The following ZNF566 variants were observed in gnomAD, a reference collection of about 807,000 sequenced individuals.
The protein encoded by ZNF566 is zinc finger protein 566.
A neutral mutation model predicts 32.8 loss-of-function variants in ZNF566; 27 were observed. The ratio of observed to expected loss-of-function variants is 0.82; its 90% confidence interval spans 0.61 to 1.14. The LOEUF (loss-of-function observed/expected upper bound fraction) is 1.14. Ranked by LOEUF, ZNF566 falls within the 50% of genes most tolerant of loss-of-function variation. The pLI is 0.00. For missense variants in ZNF566, 402 were observed against 490.4 expected (o/e 0.82, Z 1.70); for synonymous variants, 154 against 159.5 (o/e 0.97, Z 0.26).
chr19:36,485,755 T>G (rs1431875754), intron 1 of ZNF566, among the ~76,000 whole-genome samples: 1 of 143,410 alleles, frequency 7.0e-6, no homozygotes, highest in Non-Finnish European at 1.5e-5. Context: ...AGAGCAAGAC[T>G]TCGTCTCAAA....
chr19:36,475,831 G>GTTTTTACATTACATAA (rs1350591890), intron 2 of ZNF566, among the ~76,000 whole-genome samples: 11 of 152,010 alleles, frequency 7.2e-5, no homozygotes, highest in African/African-American at 2.4e-4. Flanking sequence ...TCTGGGTCAG[G>GTTTTTACATTACATAA]TTTTTACATT....
chr19:36,452,556 T>C (rs982571092), intron 4 of ZNF566, among the ~76,000 whole-genome samples: 3 of 149,318 alleles, frequency 2.0e-5, no homozygotes, highest in Non-Finnish European at 3.0e-5. Flanking sequence ...CTAGATCATA[T>C]GGTAAAAACG....
chr19:36,467,806 A>G (rs1296619849), intron 4 of ZNF566, among the ~76,000 whole-genome samples: 1 of 21,124 alleles, frequency 4.7e-5, no homozygotes, highest in Admixed American at 2.7e-4. Context: ...AAAAAAAAAA[A>G]AAAAAAAAAA....
At position 36,489,529 on chromosome 19, in the gene ZNF566, G is replaced by T. The variant is rs1158421402; in HGVS notation, c.-103C>A. ...AACCCTCCCCGGCACTGGGGTAGTT[G>T]CTGGTAAAGCCCTGAGGGTCCCGCC... On this transcript the variant is annotated 5_prime_UTR_variant, in exon 1 of 5. Transcript: ENST00000452939. The T allele has an allele frequency of 2.3e-5, 8 of 349,104 alleles. No homozygotes were observed. The highest frequency in any genetic ancestry group is 1.7e-4 in the African/African-American group (8 of 46,492). 21.6% of individuals were successfully genotyped at this position (349,104 alleles called of 1,614,324 possible). A position where few individuals can be genotyped will look rare whatever the true frequency, so the allele number is the denominator to read the frequency against.
intron 4 of ZNF566, among the ~76,000 whole-genome samples, chr19:36,450,283 C>T (rs2033119834): frequency 6.6e-6 from 1 of 152,158 alleles, no homozygotes; most frequent in African/African-American, 2.4e-5. Context: ...TCTAATCATA[C>T]ACACACAAAA....
intron 4 of ZNF566, among the ~76,000 whole-genome samples, chr19:36,457,823 G>A (rs915081530): frequency 2.0e-5 from 3 of 151,816 alleles, no homozygotes; most frequent in South Asian, 2.1e-4. Flanking sequence ...CCCCGGAGGC[G>A]GAGGTTGCAG....
chr19:36,477,563 G>T (rs2033926917), intron 1 of ZNF566, among the ~76,000 whole-genome samples: 1 of 108,796 alleles, frequency 9.2e-6, no homozygotes. Flanking sequence ...TTTTGAGACG[G>T]AGTCTTGCTC....
At chr19:36,456,737 A>G (rs1048162270) in intron 4 of ZNF566, among the ~76,000 whole-genome samples, 3 of 152,194 alleles carry the variant, frequency 2.0e-5, no homozygotes, top group African/African-American at 4.8e-5. Context: ...ATAATAAAAA[A>G]TAAATGAAGA....
At chr19:36,467,394 C>G (rs117731673) in intron 4 of ZNF566, among the ~76,000 whole-genome samples, 1 of 147,662 alleles carries the variant, frequency 6.8e-6, no homozygotes, top group Non-Finnish European at 1.5e-5. Flanking sequence ...AAGATCGCAC[C>G]GCTGCACTCC....
intron 1 of ZNF566, among the ~76,000 whole-genome samples, chr19:36,480,223 G>A (rs2033991195): frequency 6.6e-6 from 1 of 151,370 alleles, no homozygotes; most frequent in Non-Finnish European, 1.5e-5. Flanking sequence ...CAGAAAGAGA[G>A]CCACATAACC....
chr19:36,449,864 A>ATTC lies in ZNF566; in HGVS notation c.367_369dup (p.Glu123dup). ...AGTTCTTTCTTAAACTGCCGATTAC[A>ATTC]TTCCCAATCATCTCTGAAACTGGAG... On this transcript the variant is annotated inframe_insertion, in exon 5 of 5. Transcript: ENST00000452939. The ATTC allele has an allele frequency of 6.2e-7, 1 of 1,614,110 alleles. No homozygotes were observed. Among genetic ancestry groups the ATTC allele is most frequent in the Non-Finnish European group, 8.5e-7 (1 of 1,180,012 alleles).
intron 1 of ZNF566, among the ~76,000 whole-genome samples, chr19:36,487,538 A>G (rs2034197243): frequency 6.6e-6 from 1 of 152,236 alleles, no homozygotes; most frequent in Non-Finnish European, 1.5e-5. Flanking sequence ...GAATTTCACA[A>G]ACATAATATA....
chr19:36,465,514 A>G (rs1181548363), intron 4 of ZNF566, among the ~76,000 whole-genome samples: 1 of 151,166 alleles, frequency 6.6e-6, no homozygotes, highest in Non-Finnish European at 1.5e-5. Context: ...CTTGCTCTGT[A>G]GCCCAGGAGT....
chr19:36,449,858 G>A lies in ZNF566; in HGVS notation c.376C>T (p.Arg126Trp), dbSNP rs2967532. ...SSFRDDWECN[R>W]QFKKELGSQG... Reference sequence around the variant, plus strand: ...GAGCCGAGTTCTTTCTTAAACTGCCGATTACATTCCCAATCATCTCTGAAA... The same window carrying A: ...GAGCCGAGTTCTTTCTTAAACTGCCAATTACATTCCCAATCATCTCTGAAA... The change falls in exon 5 of 5, where the codon CGG becomes TGG. Residue 126 changes from arginine to tryptophan, a missense_variant. Around this residue, in one of 3 missense-constraint regions of ZNF566, gnomAD observed 220 missense variants for 241.9 expected, o/e 0.91. Transcript: ENST00000452939. 11 of 1,613,764 alleles carry A rather than the reference G, an allele frequency of 6.8e-6. No individual in the cohort carries two copies. The highest frequency in any genetic ancestry group is 1.7e-5 in the Admixed American group (1 of 59,978).
chr19:36,447,020 C>CT lies in ZNF566; in HGVS notation c.*1956dup, dbSNP rs763024014. ...ACCCCAAACAAAGCTACACTGTGGA[C>CT]TTTTTTTTTTTTTTTTTAATAGTCT... On this transcript the variant is annotated 3_prime_UTR_variant, in exon 5 of 5. Coordinates refer to ENST00000452939, the MANE Select transcript of ZNF566 (RefSeq NM_001145344.1). 0.018 allele frequency: 2,571 copies of CT among 140,902 alleles called. 72 individuals carry two copies. The highest frequency in any genetic ancestry group is 0.059 in the African/African-American group (2,271 of 38,432). 8.7% of individuals were successfully genotyped at this position (140,902 alleles called of 1,614,324 possible).
intron 4 of ZNF566, among the ~76,000 whole-genome samples, chr19:36,460,148 T>C (rs770105745): frequency 2.0e-5 from 3 of 152,052 alleles, no homozygotes; most frequent in Non-Finnish European, 2.9e-5. Flanking sequence ...CATAGAATAA[T>C]ATTCAGAATG....
At chr19:36,461,530 C>A (rs1282129161) in intron 4 of ZNF566, among the ~76,000 whole-genome samples, 1 of 151,914 alleles carries the variant, frequency 6.6e-6, no homozygotes, top group Non-Finnish European at 1.5e-5. Flanking sequence ...ATTAGTTAGG[C>A]TTAGTGGCGT....
chr19:36,487,770 G>T (rs111301831), intron 1 of ZNF566, among the ~76,000 whole-genome samples: 3 of 151,824 alleles, frequency 2.0e-5, no homozygotes, highest in African/African-American at 7.3e-5. Flanking sequence ...TGTGATGGGT[G>T]CCTGTAATCC....
chr19:36,458,760 T>A (rs2033383811), intron 4 of ZNF566, among the ~76,000 whole-genome samples: 1 of 152,232 alleles, frequency 6.6e-6, no homozygotes, highest in Admixed American at 6.5e-5. Context: ...GGTAACTATG[T>A]GATGTGATAG....
Sources: gnomAD v4.1 joint callset for allele counts (sites outside exome capture counted in the v4.1 genomes callset) on GRCh38, gnomAD v4.1.1 for gene constraint, gnomAD v4.1.1 regional missense constraint, MANE v1.5 for transcripts, NCBI Gene and HGNC (gene_info 2026-07-23, HGNC 2026-07-21) for gene names.